ARHGAP32: variants seen among roughly 807,000 people sequenced by gnomAD.
ARHGAP32 encodes the protein rho GTPase-activating protein 32.
A neutral mutation model predicts 186.5 loss-of-function variants in ARHGAP32; 51 were observed. That is an observed-to-expected ratio of 0.27 (90% CI 0.22 to 0.35). The LOEUF (loss-of-function observed/expected upper bound fraction) is 0.35. Among genes scored for constraint, ARHGAP32 ranks in the 10% least tolerant of loss-of-function variants. The pLI, the probability that ARHGAP32 is intolerant of heterozygous loss-of-function variation, is 1.00. For missense variants in ARHGAP32, 2,186 were observed against 2,623.5 expected (o/e 0.83, Z 3.64); for synonymous variants, 950 against 964.3 (o/e 0.99, Z 0.27).
At chr11:129,270,653 T>C (rs987614947) in intron 1 of ARHGAP32, among the ~76,000 whole-genome samples, 1 of 151,816 alleles carries the variant, frequency 6.6e-6, no homozygotes, top group Non-Finnish European at 1.5e-5. Flanking sequence ...AAGCTGCATA[T>C]GTGTAAAGAC....
At chr11:128,977,554 T>C (rs971572835) in intron 19 of ARHGAP32, among the ~76,000 whole-genome samples, 18 of 152,150 alleles carry the variant, frequency 1.2e-4, no homozygotes, top group African/African-American at 3.9e-4. Context: ...ATTCTTAGTC[T>C]CCTGTCAGTT....
rs115387856 is a variant in ARHGAP32 at position 129,011,469 on chromosome 11, G to A, written c.1046-13001C>T. On this transcript the variant is annotated intron_variant, in intron 11 of 22. Transcript: ENST00000682385. ...CTTGAAAGAAACTGCATTAAACAGA[G>A]AGTTAAGGAACAGTTTCTCTGAGGA... 4.6e-3 allele frequency among the ~76,000 whole-genome samples: 695 copies of A among 152,250 alleles called. 7 individuals are homozygous for A. Among genetic ancestry groups the A allele is most frequent in the African/African-American group, 0.016 (669 of 41,544 alleles).
At chr11:129,111,865 C>T (rs941806121) in intron 5 of ARHGAP32, among the ~76,000 whole-genome samples, 4 of 152,062 alleles carry the variant, frequency 2.6e-5, no homozygotes, top group Non-Finnish European at 5.9e-5. Context: ...TGGGTTCAAG[C>T]GATTCTCCTA....
At chr11:129,145,628 T>G (rs1467700674) in intron 2 of ARHGAP32, among the ~76,000 whole-genome samples, 1 of 152,136 alleles carries the variant, frequency 6.6e-6, no homozygotes, top group Non-Finnish European at 1.5e-5. Flanking sequence ...AAGAGCATGC[T>G]TGAAATATAG....
chr11:129,260,599 T>C (rs1244945182), intron 1 of ARHGAP32, among the ~76,000 whole-genome samples: 1 of 152,172 alleles, frequency 6.6e-6, no homozygotes, highest in Non-Finnish European at 1.5e-5. Context: ...ATGTAAAATA[T>C]AATATTGTCT....
rs1235553058 is a variant in ARHGAP32, at chr11:129,116,535, TGGC to T, written c.444+6908_444+6910del. On this transcript the variant is annotated intron_variant, in intron 5 of 22. Transcript: ENST00000682385. ...TTCTTTTGAGGAAAACTAAACTTTG[TGGC>T]CAGGGTGAGAATAAAATTAGCATGG... 2.6e-5 allele frequency among the ~76,000 whole-genome samples: 4 copies of T among 152,174 alleles called. No homozygotes were observed. The East Asian group carries it at 5.8e-4, about 22-fold the overall frequency.
At chr11:128,983,013 T>G in intron 15 of ARHGAP32, among the ~76,000 whole-genome samples, 1 of 151,548 alleles carries the variant, frequency 6.6e-6, no homozygotes, top group East Asian at 1.9e-4. Context: ...AAGATTCAGA[T>G]GGGCCTAACA....
chr11:129,135,565 A>T (rs1335127571), intron 2 of ARHGAP32, among the ~76,000 whole-genome samples: 1 of 152,188 alleles, frequency 6.6e-6, no homozygotes, highest in Non-Finnish European at 1.5e-5. Context: ...CAGGAGATCG[A>T]GACCATCCTG....
chr11:129,144,832 T>C (rs1184812764), intron 2 of ARHGAP32, among the ~76,000 whole-genome samples: 2 of 152,182 alleles, frequency 1.3e-5, no homozygotes, highest in East Asian at 1.9e-4. Context: ...ACTTCACTTC[T>C]AGAAAATATC....
At chr11:129,003,547 T>C (rs1009015245) in intron 11 of ARHGAP32, among the ~76,000 whole-genome samples, 5 of 152,166 alleles carry the variant, frequency 3.3e-5, no homozygotes, top group African/African-American at 4.8e-5. Flanking sequence ...TTTATTATAA[T>C]TTTGATCTCA....
chr11:129,271,464 G>A (rs986728266), intron 1 of ARHGAP32, among the ~76,000 whole-genome samples: 1 of 152,052 alleles, frequency 6.6e-6, no homozygotes, highest in East Asian at 1.9e-4. Context: ...GGGGGAGGTA[G>A]AGGAAGAAGT....
chr11:129,112,169 G>T (rs143312652), intron 5 of ARHGAP32, among the ~76,000 whole-genome samples: 10,549 of 152,098 alleles, frequency 0.069, 417 homozygotes, highest in Middle Eastern at 0.082. Flanking sequence ...TTTGAACCCA[G>T]GAGGCAGAGG....
At chr11:129,180,701 A>C (rs960005370) in intron 1 of ARHGAP32, among the ~76,000 whole-genome samples, 2 of 152,172 alleles carry the variant, frequency 1.3e-5, no homozygotes, top group Admixed American at 6.6e-5. Flanking sequence ...TATCTAACAA[A>C]AAAGCTGTAG....
chr11:129,174,275 T>TGGCTCGGAGGGTCCTACGCCCAC (rs1363391773), intron 1 of ARHGAP32, among the ~76,000 whole-genome samples: 2 of 152,210 alleles, frequency 1.3e-5, no homozygotes, highest in East Asian at 3.9e-4. Context: ...ATCCCGCACA[T>TGGCTCGGAGGGTCCTACGCCCAC]GGCTCGGAGG....
chr11:129,157,844 C>G (rs1440513131), intron 2 of ARHGAP32, among the ~76,000 whole-genome samples: 42 of 152,204 alleles, frequency 2.8e-4, no homozygotes, highest in Non-Finnish European at 1.8e-4. Flanking sequence ...GATCAGGTTA[C>G]CCACAAAGGG....
At chr11:129,129,410 G>A (rs1302476403) in intron 2 of ARHGAP32, among the ~76,000 whole-genome samples, 1 of 150,634 alleles carries the variant, frequency 6.6e-6, no homozygotes, top group East Asian at 2.0e-4. Flanking sequence ...AGTCCGGGAG[G>A]GAGGTAGGGG....
At chr11:129,111,844 C>T (rs1159685563) in intron 5 of ARHGAP32, among the ~76,000 whole-genome samples, 2 of 152,138 alleles carry the variant, frequency 1.3e-5, no homozygotes, top group Non-Finnish European at 2.9e-5. Flanking sequence ...TCACCACCAA[C>T]TTCCACTTCC....
At chr11:129,219,953 A>G (rs530854681) in intron 1 of ARHGAP32, among the ~76,000 whole-genome samples, 29 of 152,186 alleles carry the variant, frequency 1.9e-4, no homozygotes, top group Non-Finnish European at 3.7e-4. Flanking sequence ...ACATGAAAAA[A>G]TAAAACCTGG....
At chr11:129,071,505 G>A (rs571009413) in intron 6 of ARHGAP32, among the ~76,000 whole-genome samples, 8 of 152,106 alleles carry the variant, frequency 5.3e-5, no homozygotes, top group Admixed American at 4.6e-4. Context: ...ATACCACAAT[G>A]AGATATCATC....
Sources: allele counts gnomAD v4.1 joint callset (sites outside exome capture counted in the v4.1 genomes callset), GRCh38; gene constraint gnomAD v4.1.1; transcripts MANE v1.5; gene names NCBI Gene and HGNC (gene_info 2026-07-23, HGNC 2026-07-21).